Variants in PRKN observed in about 807,000 individuals in gnomAD.
PRKN encodes the protein E3 ubiquitin-protein ligase parkin.
PRKN carries 56 observed loss-of-function variants against 59.5 expected under a neutral mutation model. The ratio of observed to expected loss-of-function variants is 0.94; its 90% CI spans 0.76 to 1.18. PRKN has a LOEUF of 1.18. Among genes scored for constraint, PRKN ranks in the 50% most tolerant of loss-of-function variants. PRKN has a pLI of 0.00. For missense variants in PRKN, 657 were observed against 596.4 expected, an observed-to-expected ratio of 1.10 and a Z score of -1.06; for synonymous variants, 250 against 222.1, an observed-to-expected ratio of 1.13 and a Z score of -1.12.
chr6:161,597,324 A>G (rs901026272), intron 7 of PRKN, among the ~76,000 whole-genome samples: 4 of 152,214 alleles, frequency 2.6e-5, no homozygotes, highest in Non-Finnish European at 5.9e-5. Flanking sequence ...TATTGTAGCT[A>G]AAGGAAGCTG....
chr6:161,916,123 T>C (rs914925205), intron 6 of PRKN, among the ~76,000 whole-genome samples: 20 of 152,296 alleles, frequency 1.3e-4, no homozygotes, highest in Admixed American at 1.3e-3. Context: ...ACAACAGATA[T>C]TGAGAACACT....
intron 1 of PRKN, among the ~76,000 whole-genome samples, chr6:162,647,551 G>A (rs1413125881): frequency 6.6e-6 from 1 of 152,120 alleles, no homozygotes; most frequent in Non-Finnish European, 1.5e-5. Flanking sequence ...AGTTAAGAAA[G>A]TTTGGCTTTA....
chr6:161,881,131 G>T (rs1367823856), intron 6 of PRKN, among the ~76,000 whole-genome samples: 4 of 152,140 alleles, frequency 2.6e-5, no homozygotes, highest in Non-Finnish European at 4.4e-5. Context: ...CCATACTCAG[G>T]GTTCCCACAG....
At chr6:162,294,102 A>T (rs111317008) in intron 2 of PRKN, among the ~76,000 whole-genome samples, 1 of 104,992 alleles carries the variant, frequency 9.5e-6, no homozygotes, top group African/African-American at 5.9e-5. Flanking sequence ...AACCCGGCTG[A>T]ATAGAGAGGC....
At chr6:162,535,488 A>G (rs1410578073) in intron 1 of PRKN, among the ~76,000 whole-genome samples, 1 of 152,138 alleles carries the variant, frequency 6.6e-6, no homozygotes, top group Non-Finnish European at 1.5e-5. Context: ...CATTTCCTAT[A>G]TATGAATAGA....
intron 1 of PRKN, among the ~76,000 whole-genome samples, chr6:162,445,689 TAAAAA>T (rs71004091): frequency 2.6e-3 from 75 of 28,638 alleles, no homozygotes; most frequent in African/African-American, 3.7e-3. Flanking sequence ...AGACCTTGTC[TAAAAA>T]AAAAAAAAAA....
At chr6:162,679,442 A>C (rs1779686919) in intron 1 of PRKN, among the ~76,000 whole-genome samples, 2 of 152,126 alleles carry the variant, frequency 1.3e-5, no homozygotes, top group African/African-American at 2.4e-5. Context: ...TGTTGATGAA[A>C]TCCAGTTTAT....
chr6:162,600,286 A>T (rs1781652271), intron 1 of PRKN, among the ~76,000 whole-genome samples: 1 of 152,180 alleles, frequency 6.6e-6, no homozygotes, highest in Non-Finnish European at 1.5e-5. Flanking sequence ...GTTCAACCAT[A>T]TTATTGTACA....
intron 1 of PRKN, among the ~76,000 whole-genome samples, chr6:162,557,915 A>G (rs986209239): frequency 2.6e-5 from 4 of 152,210 alleles, no homozygotes; most frequent in Non-Finnish European, 5.9e-5. Flanking sequence ...CTCTTGTTAC[A>G]TGAGTTTCAG....
At chr6:161,796,349 C>A (rs138431819) in intron 6 of PRKN, among the ~76,000 whole-genome samples, 1 of 152,060 alleles carries the variant, frequency 6.6e-6, no homozygotes, top group Non-Finnish European at 1.5e-5. Context: ...AAATTAACTT[C>A]TGTTCTTTTT....
intron 9 of PRKN, among the ~76,000 whole-genome samples, chr6:161,514,195 AAAAAC>A (rs1778503438): frequency 6.6e-6 from 1 of 152,106 alleles, no homozygotes; most frequent in East Asian, 1.9e-4. Context: ...GAGAGTGGAA[AAAAAC>A]AAAACAAAAC....
intron 6 of PRKN, among the ~76,000 whole-genome samples, chr6:161,869,355 A>T (rs1185250884): frequency 1.3e-5 from 2 of 152,008 alleles, no homozygotes; most frequent in African/African-American, 4.8e-5. Flanking sequence ...CTCCAGCCTG[A>T]GCGACAGAGC....
chr6:161,663,181 C>T (rs752322029), intron 7 of PRKN, among the ~76,000 whole-genome samples: 13 of 152,152 alleles, frequency 8.5e-5, no homozygotes, highest in Non-Finnish European at 1.9e-4. Context: ...TCCATTATGC[C>T]TCTTTTTCTT....
intron 4 of PRKN, among the ~76,000 whole-genome samples, chr6:162,138,821 A>T (rs1048648538): frequency 3.3e-5 from 5 of 152,242 alleles, no homozygotes; most frequent in Non-Finnish European, 7.3e-5. Flanking sequence ...GTGAAGAAAT[A>T]GCAAGAGAAC....
Position 162,585,403 on chromosome 6 carries a change from G to A in PRKN, c.8-141930C>T, listed in dbSNP as rs56123434. 5.3e-5 allele frequency among the ~76,000 whole-genome samples: 8 copies of A among 152,202 alleles called. 1 individual carries two copies. Among genetic ancestry groups the A allele is most frequent in the African/African-American group, 1.9e-4 (8 of 41,532 alleles). The stretch of plus-strand genomic sequence containing the variant: ...TCCCGTTACCCATTGGCTGCATTTA[G>A]TTCTTCTAACTGCACCCAATTCCTA... On this transcript the variant is annotated intron_variant, in intron 1 of 11. Coordinates refer to ENST00000366898, the MANE Select transcript of PRKN (RefSeq NM_004562.3).
chr6:161,527,936 G>A lies in PRKN; in HGVS notation c.1083+20918C>T, dbSNP rs1300626055. Among the ~76,000 whole-genome samples the A allele has an allele frequency of 1.3e-5, 2 of 152,156 alleles. No homozygotes were observed. The highest frequency in any genetic ancestry group is 2.4e-5 in the African/African-American group (1 of 41,430). On this transcript the variant is annotated intron_variant, in intron 9 of 11. Transcript: ENST00000366898. This position sits in a 1 kb window ranked among gnomAD's most constrained non-coding sequence, Gnocchi z 4.6. ...TTACTGCCTCCTTTAACACAGCACTGCTTTTAAACATTTCTTTCCCCCCAC... is the reference window on the plus strand; with the variant it reads ...TTACTGCCTCCTTTAACACAGCACTACTTTTAAACATTTCTTTCCCCCCAC...
rs1186644340 is a variant in PRKN, at chr6:161,473,473, A to G, written c.1083+75381T>C. On this transcript the variant is annotated intron_variant, in intron 9 of 11. Transcript: ENST00000366898. The surrounding 1 kb of genome is among the most constrained non-coding windows in gnomAD (Gnocchi z 4.1). The stretch of plus-strand genomic sequence containing the variant: ...CATTATGCTAAGTGAACTGAGCCAG[A>G]CACAGGAAAAAGTACTGCATGATCT... Among the ~76,000 whole-genome samples the G allele has an allele frequency of 6.6e-6, 1 of 151,918 alleles. No homozygotes were observed. Among genetic ancestry groups the G allele is most frequent in the Non-Finnish European group, 1.5e-5 (1 of 67,988 alleles).
chr6:162,565,842 C>T (rs1780052677), intron 1 of PRKN, among the ~76,000 whole-genome samples: 1 of 152,132 alleles, frequency 6.6e-6, no homozygotes, highest in East Asian at 1.9e-4. Context: ...AAGAAACACA[C>T]TTCACTATAA....
chr6:162,602,932 G>A (rs950908487), intron 1 of PRKN, among the ~76,000 whole-genome samples: 2 of 152,122 alleles, frequency 1.3e-5, no homozygotes, highest in Admixed American at 1.3e-4. Flanking sequence ...CATACTAAGT[G>A]TGTCACATCC....
Sources: gnomAD v4.1 joint callset for allele counts (sites outside exome capture counted in the v4.1 genomes callset) on GRCh38, gnomAD v4.1.1 for gene constraint, Gnocchi (gnomAD v3.1) non-coding constraint, MANE v1.5 for transcripts, NCBI Gene and HGNC (gene_info 2026-07-23, HGNC 2026-07-21) for gene names.